KLHL42: variants seen among roughly 807,000 people sequenced by gnomAD.
The protein encoded by KLHL42 is kelch-like protein 42.
Under a neutral mutation model 32.7 loss-of-function variants are expected in KLHL42, and 27 were observed. The observed-to-expected ratio is 0.83, with a 90% CI of 0.61 to 1.14. The LOEUF is 1.14. Ranked by LOEUF, KLHL42 falls within the 50% of genes most tolerant of loss-of-function variation. KLHL42 has a pLI of 0.00. For synonymous variants in KLHL42, 267 were observed against 248.2 expected (o/e 1.08, Z -0.71); for missense variants, 491 against 560.8 (o/e 0.88, Z 1.26).
intron 1 of KLHL42, among the ~76,000 whole-genome samples, chr12:27,783,715 G>A (rs12311799): frequency 0.13 from 20,268 of 152,072 alleles, 3,788 homozygotes; most frequent in African/African-American, 0.42. Flanking sequence ...CCGAGGAGCT[G>A]GGACTACAGG....
At chr12:27,785,640 G>A (rs559952688) in intron 1 of KLHL42, among the ~76,000 whole-genome samples, 7 of 152,032 alleles carry the variant, frequency 4.6e-5, no homozygotes, top group Non-Finnish European at 8.8e-5. Context: ...AGTGTTCCGT[G>A]TCTGCTCCTC....
intron 1 of KLHL42, chr12:27,787,903 C>G (rs533935713): frequency 6.6e-6 from 1 of 152,428 alleles, no homozygotes; most frequent in South Asian, 2.1e-4. Flanking sequence ...ACACTCCCCC[C>G]CAACTCCCCA....
chr12:27,781,233 C>T (rs752980706), intron 1 of KLHL42, 31 bp downstream of exon 1: 7 of 1,607,870 alleles, frequency 4.4e-6, no homozygotes, highest in Non-Finnish European at 5.9e-6. Context: ...CTGCTGCCTT[C>T]TCATTCATTC....
chr12:27,780,938 TG>T lies in KLHL42; in HGVS notation c.614del (p.Gly205AspfsTer21). 2 of 1,604,096 alleles carry T rather than the reference TG, an allele frequency of 1.2e-6. No homozygotes were observed. Among genetic ancestry groups the T allele is most frequent in the Non-Finnish European group, 1.7e-6 (2 of 1,172,618 alleles). On this transcript the variant is annotated frameshift_variant, in exon 1 of 3. Transcript: ENST00000381271. LOFTEE classifies it high-confidence loss of function. This position sits in a 1 kb window ranked among gnomAD's most constrained non-coding sequence, Gnocchi z 8.8. ...TPVLVALGDFLGGPLAPHPYQ... is the reference protein window; with the variant it reads ...TPVLVALGDFXGGPLAPHPYQ... ...GTCCTCGTGGCCCTCGGGGACTTCC[TG>T]GGGGGACCCCTGGCCCCTCACCCCT...
chr12:27,800,237 T>G lies in KLHL42; in HGVS notation c.*2071T>G. 2.0e-6 allele frequency: 2 copies of G among 985,364 alleles called. No homozygotes were observed. The highest frequency in any genetic ancestry group is 2.4e-6 in the Non-Finnish European group (2 of 829,914). 61.0% of individuals were successfully genotyped at this position (985,364 alleles called of 1,614,324 possible). A position where few individuals can be genotyped will look rare whatever the true frequency, so the allele number is the denominator to read the frequency against. ...CAGTTAATTCTCTTCCTGGTTACAT[T>G]CATTGGGTCTATTTGCCTAATGTTG... On this transcript the variant is annotated 3_prime_UTR_variant, in exon 3 of 3. Coordinates refer to ENST00000381271, the MANE Select transcript of KLHL42 (RefSeq NM_020782.2).
rs1237708581 is a variant in KLHL42 at position 27,780,825 on chromosome 12, G to C, written c.495G>C (p.Gln165His). 1 of 1,613,838 alleles carries C rather than the reference G, an allele frequency of 6.2e-7. No individual in the cohort carries two copies. Among genetic ancestry groups the C allele is most frequent in the South Asian group, 1.1e-5 (1 of 91,090 alleles). Residue 165 changes from glutamine (Q) to histidine (H), a missense_variant, in exon 1 of 3, where the codon CAG (glutamine) becomes CAC (histidine). Coordinates refer to ENST00000381271, the MANE Select transcript of KLHL42 (RefSeq NM_020782.2). This position sits in a 1 kb window ranked among gnomAD's most constrained non-coding sequence, Gnocchi z 8.8. ...TCCACGAGGTGCTGTGCAAGCCCCA[G>C]TTCCACCTCCTGGGGTCTCCTCCCC... ...VHFHEVLCKP[Q>H]FHLLGSPPQA...
chr12:27,790,611 C>G (rs2062192241), intron 1 of KLHL42, among the ~76,000 whole-genome samples: 1 of 152,172 alleles, frequency 6.6e-6, no homozygotes, highest in African/African-American at 2.4e-5. Flanking sequence ...TGATAAGCAG[C>G]ATTTAATTAT....
chr12:27,781,294 G>A, intron 1 of KLHL42, 92 bp downstream of exon 1: 5 of 1,394,220 alleles, frequency 3.6e-6, no homozygotes, highest in Non-Finnish European at 4.9e-6. Flanking sequence ...GTAAATAGGG[G>A]AGGGTGTGCT....
At chr12:27,788,858 C>T (rs1296821858) in intron 1 of KLHL42, among the ~76,000 whole-genome samples, 2 of 152,144 alleles carry the variant, frequency 1.3e-5, no homozygotes, top group African/African-American at 4.8e-5. Flanking sequence ...GTTACTTGGT[C>T]TTGAAATTCT....
At chr12:27,782,604 C>T (rs749977414) in intron 1 of KLHL42, among the ~76,000 whole-genome samples, 25 of 152,094 alleles carry the variant, frequency 1.6e-4, no homozygotes, top group Non-Finnish European at 3.1e-4. Flanking sequence ...TAGGGGTGGG[C>T]GGCCCTGAGT....
chr12:27,792,711 T>G (rs147480708), intron 2 of KLHL42, among the ~76,000 whole-genome samples: 6,203 of 151,892 alleles, frequency 0.041, 393 homozygotes, highest in African/African-American at 0.14. Context: ...TTAGTAGAGA[T>G]GGGGTTTCAC....
rs2062254245 is a variant in KLHL42, at chr12:27,802,796, ATATCTAGTAGTCAT to A, written c.*4632_*4645del. ...CTTGAGCTGTCCCTGCAATGTTTTC[ATATCTAGTAGTCAT>A]TTTAGGGAAAGTGATAATCTGTAGA... is the stretch of plus-strand genomic sequence containing the variant. On this transcript the variant is annotated 3_prime_UTR_variant, in exon 3 of 3. Coordinates refer to ENST00000381271, the MANE Select transcript of KLHL42 (RefSeq NM_020782.2). 6.6e-6 allele frequency: 1 copy of A among 152,618 alleles called. No individual in the cohort carries two copies. Among genetic ancestry groups the A allele is most frequent in the Non-Finnish European group, 1.5e-5 (1 of 68,038 alleles). 9.5% of individuals were successfully genotyped at this position (152,618 alleles called of 1,614,324 possible).
chr12:27,780,235 C>A lies in KLHL42; in HGVS notation c.-96C>A. 6 of 1,204,742 alleles carry A rather than the reference C, an allele frequency of 5.0e-6. No homozygotes were observed. Among genetic ancestry groups the A allele is most frequent in the Non-Finnish European group, 6.4e-6 (6 of 935,132 alleles). The allele number at this position is 1,204,742 out of a possible 1,614,324, so 74.6% of individuals were successfully genotyped here. On this transcript the variant is annotated 5_prime_UTR_variant, in exon 1 of 3. Coordinates refer to ENST00000381271, the MANE Select transcript of KLHL42 (RefSeq NM_020782.2). The surrounding 1 kb of genome is among the most constrained non-coding windows in gnomAD (Gnocchi z 8.8). ...CTCGCCGCTCCTCCCGGGCCGCCAT[C>A]CCTCGGCGCCCCGCCCGGAACCGGC...
chr12:27,787,533 C>G (rs1392322619), intron 1 of KLHL42: 2 of 150,850 alleles, frequency 1.3e-5, no homozygotes, highest in African/African-American at 4.9e-5. Flanking sequence ...ATCGAGGGTG[C>G]TTGCTTTCCC....
In KLHL42 at chr12:27,780,865, G is replaced by A. The variant is rs750629733; in HGVS notation, c.535G>A (p.Val179Ile). 24 of 1,613,844 alleles carry A rather than the reference G, an allele frequency of 1.5e-5. 2 individuals carry two copies. In the South Asian group the frequency reaches 2.6e-4, roughly 18 times the overall value. ...LGSPPQAPGD[V>I]SLKQRLREAR... ...GTCTCCTCCCCAAGCTCCAGGGGAT[G>A]TCAGCCTGAAGCAGAGGCTGAGGGA... Residue 179 changes from valine to isoleucine, a missense_variant, in exon 1 of 3, where the codon GTC (valine) becomes ATC (isoleucine). Around this residue, in one of 4 missense-constraint regions of KLHL42, gnomAD observed 248 missense variants for 329.2 expected, o/e 0.75. Coordinates refer to ENST00000381271, the MANE Select transcript of KLHL42 (RefSeq NM_020782.2). The surrounding 1 kb of genome is among the most constrained non-coding windows in gnomAD (Gnocchi z 8.8).
At chr12:27,784,528 C>T (rs1046409266) in intron 1 of KLHL42, among the ~76,000 whole-genome samples, 3 of 152,086 alleles carry the variant, frequency 2.0e-5, no homozygotes, top group African/African-American at 7.2e-5. Flanking sequence ...GCAGGAGGAT[C>T]ACTTGAGCCC....
chr12:27,796,752 C>T (rs2062220367), intron 2 of KLHL42, among the ~76,000 whole-genome samples: 1 of 152,068 alleles, frequency 6.6e-6, no homozygotes, highest in South Asian at 2.1e-4. Flanking sequence ...CCCACCTCAG[C>T]CTTCCAAGTA....
intron 1 of KLHL42, among the ~76,000 whole-genome samples, chr12:27,783,591 AT>A (rs1206950542): frequency 6.6e-6 from 1 of 150,746 alleles, no homozygotes; most frequent in Admixed American, 6.6e-5. Flanking sequence ...TTATTTTTTT[AT>A]TTTTTTTGAG....
At position 27,781,091 on chromosome 12, in the gene KLHL42, A is replaced by G. The variant is rs1565480819; in HGVS notation, c.761A>G (p.Tyr254Cys). Residue 254 changes from tyrosine to cysteine, a missense_variant, in exon 1 of 3, where the codon TAC becomes TGC. Tyr to Cys is a radical substitution (Grantham distance 194). Around this residue, in one of 4 missense-constraint regions of KLHL42, gnomAD observed 248 missense variants for 329.2 expected, o/e 0.75. Coordinates refer to ENST00000381271, the MANE Select transcript of KLHL42 (RefSeq NM_020782.2). ...RGYGSAILDN[Y>C]LFIVGGYRIT... The stretch of plus-strand genomic sequence containing the variant: ...TATGGGTCTGCCATCCTGGACAACT[A>G]CCTCTTCATAGTGGGCGGGTACAGG... 2 of 1,613,974 alleles carry G rather than the reference A, an allele frequency of 1.2e-6. No homozygotes were observed. Among genetic ancestry groups the G allele is most frequent in the Admixed American group, 1.7e-5 (1 of 60,006 alleles).
Sources: allele counts gnomAD v4.1 joint callset (sites outside exome capture counted in the v4.1 genomes callset), GRCh38; gene constraint gnomAD v4.1.1; regional missense constraint gnomAD v4.1.1; non-coding constraint Gnocchi (gnomAD v3.1); transcripts MANE v1.5; gene names NCBI Gene and HGNC (gene_info 2026-07-23, HGNC 2026-07-21).